Variants in DNAH8 observed in about 807,000 individuals in gnomAD.
The protein encoded by DNAH8 is dynein axonemal heavy chain 8.
DNAH8 carries 382 observed loss-of-function variants against 562.1 expected under a neutral mutation model. That is an observed-to-expected ratio of 0.68 (90% CI 0.63 to 0.74). The LOEUF (loss-of-function observed/expected upper bound fraction) is 0.74, where lower values mean the gene tolerates loss of function less well. DNAH8 is among the 30% of genes least tolerant of loss of function. The pLI, the probability that DNAH8 is intolerant of heterozygous loss-of-function variation, is 0.00. For synonymous variants in DNAH8, 1,881 were observed against 1,919.4 expected, an observed-to-expected ratio of 0.98 and a Z score of 0.52; for missense variants, 5,203 against 5,620.4, an observed-to-expected ratio of 0.93 and a Z score of 2.37.
intron 53 of DNAH8, among the ~76,000 whole-genome samples, chr6:38,879,961 G>A (rs1316480194): frequency 6.6e-6 from 1 of 152,170 alleles, no homozygotes; most frequent in Non-Finnish European, 1.5e-5. Flanking sequence ...AAGGCTGGGT[G>A]CAGGGGCTCA....
At chr6:38,877,025 A>G (rs1035869859) in intron 53 of DNAH8, among the ~76,000 whole-genome samples, 1 of 152,240 alleles carries the variant, frequency 6.6e-6, no homozygotes, top group African/African-American at 2.4e-5. Context: ...GCAAACTAAC[A>G]AAGGAATCTT....
intron 88 of DNAH8, 46 bp downstream of exon 88, chr6:38,990,218 A>T: frequency 7.8e-7 from 1 of 1,288,180 alleles, no homozygotes; most frequent in East Asian, 2.4e-5. Flanking sequence ...TTTGTAACTC[A>T]GTCTGGCAAA....
chr6:38,845,417 A>G lies in DNAH8; in HGVS notation c.4846-157A>G, dbSNP rs113218819. ...AGTAAGGCTCTAGTGTCAAGTTGCA[A>G]CACAATGATCTGAAGCCTTTTCTTG... On this transcript the variant is annotated intron_variant, in intron 35 of 92. Transcript: ENST00000327475. Among the ~76,000 whole-genome samples the G allele has an allele frequency of 8.7e-3, 1,328 of 152,346 alleles. 13 individuals carry two copies. The highest frequency in any genetic ancestry group is 0.027 in the Middle Eastern group (8 of 294).
intron 77 of DNAH8, among the ~76,000 whole-genome samples, chr6:38,936,070 C>T (rs1428854113): frequency 6.6e-6 from 1 of 151,460 alleles, no homozygotes; most frequent in Non-Finnish European, 1.5e-5. Context: ...TCTCCCAAGC[C>T]AGACGTGGTG....
intron 21 of DNAH8, among the ~76,000 whole-genome samples, chr6:38,797,019 T>C (rs1369832499): frequency 6.6e-6 from 1 of 152,192 alleles, no homozygotes; most frequent in Non-Finnish European, 1.5e-5. Context: ...GATCTACCAA[T>C]GGAATAGAAA....
intron 42 of DNAH8, among the ~76,000 whole-genome samples, chr6:38,859,016 A>G (rs1563017956): frequency 6.6e-6 from 1 of 152,224 alleles, no homozygotes; most frequent in Non-Finnish European, 1.5e-5. Context: ...AAGGAAAACT[A>G]TGAAACCATT....
chr6:38,919,727 A>G (rs1441917341), intron 70 of DNAH8, among the ~76,000 whole-genome samples: 2 of 152,204 alleles, frequency 1.3e-5, no homozygotes, highest in Non-Finnish European at 2.9e-5. Flanking sequence ...TGGAAACTTT[A>G]CATTAAAATG....
chr6:38,949,594 T>G (rs1378113777), intron 81 of DNAH8, 24 bp downstream of exon 81: 17 of 1,304,990 alleles, frequency 1.3e-5, no homozygotes, highest in Non-Finnish European at 1.8e-5. Flanking sequence ...TTATCAGACC[T>G]AGAAGCATCA....
intron 11 of DNAH8, among the ~76,000 whole-genome samples, chr6:38,766,915 T>G (rs1767060961): frequency 6.6e-6 from 1 of 152,204 alleles, no homozygotes; most frequent in South Asian, 2.1e-4. Flanking sequence ...AATCATCTGT[T>G]AAGCATCTAG....
At position 38,929,534 on chromosome 6, in the gene DNAH8, T is replaced by G; in HGVS notation, c.11142T>G (p.Tyr3714Ter). ...AGGTGACATCTCTGAACCATAAATATTTTCGCACACACTTGGAGGACAGCC... is the reference window on the plus strand; with the variant it reads ...AGGTGACATCTCTGAACCATAAATAGTTTCGCACACACTTGGAGGACAGCC... ...DLQVTSLNHK[Y>*]FRTHLEDSLS... is the part of the protein sequence containing the mutation. The change falls in exon 75 of 93, where the codon TAT becomes TAG. Residue 3714 changes from tyrosine to a stop codon, truncating the protein, a stop_gained. Coordinates refer to ENST00000327475, the MANE Select transcript of DNAH8 (RefSeq NM_001206927.2). LOFTEE classifies it high-confidence loss of function. 2.5e-6 allele frequency: 4 copies of G among 1,612,372 alleles called. No individual in the cohort carries two copies. The highest frequency in any genetic ancestry group is 3.4e-6 in the Non-Finnish European group (4 of 1,179,136).
chr6:38,719,669 G>A (rs990422794), intron 1 of DNAH8, among the ~76,000 whole-genome samples: 5 of 152,170 alleles, frequency 3.3e-5, no homozygotes, highest in Non-Finnish European at 7.3e-5. Context: ...AGACCTGGAG[G>A]GGGTGTAGCT....
At position 38,778,408 on chromosome 6, in the gene DNAH8, G is replaced by A. The variant is rs769997917; in HGVS notation, c.1983G>A (p.Met661Ile). 47 of 1,577,398 alleles carry A rather than the reference G, an allele frequency of 3.0e-5. No individual in the cohort carries two copies. Among genetic ancestry groups the A allele is most frequent in the Non-Finnish European group, 3.0e-5 (34 of 1,149,564 alleles). The change falls in exon 14 of 93, where the codon ATG becomes ATA. Residue 661 changes from methionine (M) to isoleucine (I), a missense_variant. Around this residue, in one of 6 missense-constraint regions of DNAH8, gnomAD observed 2,176 missense variants for 2,365.1 expected, o/e 0.92. Transcript: ENST00000327475. ...NGLEVQIQAF[M>I]NSSFGKILSS... ...TTTAGGTACAAATACAGGCATTTATGAACAGTAGTTTTGGGAAAATCTTAT... is the reference window on the plus strand; with the variant it reads ...TTTAGGTACAAATACAGGCATTTATAAACAGTAGTTTTGGGAAAATCTTAT...
chr6:38,841,854 A>C (rs1015292072), intron 33 of DNAH8, among the ~76,000 whole-genome samples: 1 of 152,056 alleles, frequency 6.6e-6, no homozygotes, highest in South Asian at 2.1e-4. Context: ...AGTAGCTGGG[A>C]CTACAGTCAC....
At chr6:39,000,719 A>T (rs550505071) in intron 88 of DNAH8, among the ~76,000 whole-genome samples, 1 of 152,192 alleles carries the variant, frequency 6.6e-6, no homozygotes, top group Admixed American at 6.5e-5. Context: ...ATATATTACA[A>T]TGTAATAATA....
chr6:38,770,372 G>A (rs757638823), intron 11 of DNAH8, 41 bp from the exon 12 acceptor site: 13 of 1,373,224 alleles, frequency 9.5e-6, no homozygotes, highest in Admixed American at 2.3e-5. Flanking sequence ...CTGAACAAAT[G>A]TCTCACTTTC....
At chr6:38,918,763 G>T (rs1227029280) in intron 70 of DNAH8, among the ~76,000 whole-genome samples, 2 of 152,090 alleles carry the variant, frequency 1.3e-5, no homozygotes, top group African/African-American at 4.8e-5. Context: ...TCTTAGGAGG[G>T]CAAGGATTCA....
Position 38,761,695 on chromosome 6 carries a change from A to C in DNAH8, c.1516-7A>C. On this transcript the variant is annotated splice_region_variant and splice_polypyrimidine_tract_variant and intron_variant, in intron 10 of 92. Coordinates refer to ENST00000327475, the MANE Select transcript of DNAH8 (RefSeq NM_001206927.2). ...ATATAATTATTTTGTACCTATATTT[A>C]TTTCAGGTAACAAATCAAATGGTAA... 2 of 1,435,576 alleles carry C rather than the reference A, an allele frequency of 1.4e-6. No individual in the cohort carries two copies. Among genetic ancestry groups the C allele is most frequent in the Non-Finnish European group, 1.9e-6 (2 of 1,061,128 alleles). The allele number at this position is 1,435,576 out of a possible 1,614,324, so 88.9% of individuals were successfully genotyped here. A position where few individuals can be genotyped will look rare whatever the true frequency, so the allele number is the denominator to read the frequency against.
At chr6:38,838,397 C>G (rs1774482613) in intron 33 of DNAH8, among the ~76,000 whole-genome samples, 2 of 150,444 alleles carry the variant, frequency 1.3e-5, no homozygotes, top group Non-Finnish European at 3.0e-5. Flanking sequence ...TCCTGGCTCC[C>G]CTTGCCTTCT....
At position 38,870,847 on chromosome 6, in the gene DNAH8, G is replaced by A. The variant is rs117572116; in HGVS notation, c.6990+285G>A. 8.8e-4 allele frequency among the ~76,000 whole-genome samples: 134 copies of A among 152,238 alleles called. 3 individuals are homozygous for A. The East Asian group carries it at 0.024, about 28-fold the overall frequency. On this transcript the variant is annotated intron_variant, in intron 49 of 92. Coordinates refer to ENST00000327475, the MANE Select transcript of DNAH8 (RefSeq NM_001206927.2). ...TAGGTTATAAAAACTCTAGGGGAAC[G>A]GAACAACGCAGATGTCTTCTTGTGC... is the stretch of plus-strand genomic sequence containing the variant.
Sources: gnomAD v4.1 joint callset for allele counts (sites outside exome capture counted in the v4.1 genomes callset) on GRCh38, gnomAD v4.1.1 for gene constraint, gnomAD v4.1.1 regional missense constraint, MANE v1.5 for transcripts, NCBI Gene and HGNC (gene_info 2026-07-23, HGNC 2026-07-21) for gene names.